Variants in ESRRG observed in about 807,000 individuals in gnomAD.
ESRRG encodes the protein estrogen related receptor gamma, also known as estrogen-related receptor gamma.
Under a neutral mutation model 44.0 loss-of-function variants are expected in ESRRG, and 13 were observed. The ratio of observed to expected loss-of-function variants is 0.30; its 90% CI spans 0.19 to 0.47. The LOEUF is 0.47. Ranked by LOEUF, ESRRG falls within the 20% of genes least tolerant of loss-of-function variation. The pLI is 1.00. For missense variants in ESRRG, 395 were observed against 580.6 expected (o/e 0.68, Z 3.29); for synonymous variants, 215 against 214.6 (o/e 1.00, Z -0.02).
intron 1 of ESRRG, among the ~76,000 whole-genome samples, chr1:216,990,469 G>A (rs2075516671): frequency 6.6e-6 from 1 of 152,020 alleles, no homozygotes; most frequent in Non-Finnish European, 1.5e-5. Context: ...GAGTTAAAGA[G>A]TTAATTTCAT....
At chr1:216,938,650 T>C (rs1419330692) in intron 2 of ESRRG, among the ~76,000 whole-genome samples, 1 of 152,146 alleles carries the variant, frequency 6.6e-6, no homozygotes, top group African/African-American at 2.4e-5. Flanking sequence ...CTCCAAAGGG[T>C]TCACTAGCAA....
At chr1:216,974,571 A>C (rs1381383312) in intron 1 of ESRRG, among the ~76,000 whole-genome samples, 1 of 152,186 alleles carries the variant, frequency 6.6e-6, no homozygotes, top group Non-Finnish European at 1.5e-5. Context: ...AAAAATAAAA[A>C]GGTTTATAAT....
At chr1:217,098,152 A>T (rs1428458360) in intron 1 of ESRRG, among the ~76,000 whole-genome samples, 4 of 152,154 alleles carry the variant, frequency 2.6e-5, no homozygotes, top group Non-Finnish European at 5.9e-5. Flanking sequence ...CTTGTCCAGA[A>T]CATGAAAGTT....
In ESRRG at chr1:217,022,415, G is replaced by C. The variant is rs1271658013; in HGVS notation, c.-106+67092C>G. Among the ~76,000 whole-genome samples the C allele has an allele frequency of 7.2e-5, 11 of 152,328 alleles. No individual in the cohort carries two copies. In the East Asian group the frequency reaches 2.1e-3, roughly 29 times the overall value. On this transcript the variant is annotated intron_variant, in intron 1 of 7. Transcript: ENST00000359162. ...CTTGATTATTAACAAATCACTTCCT[G>C]AAACTGTTATGACAGGATTCCCATA...
chr1:216,816,012 G>A (rs987874955), intron 2 of ESRRG, among the ~76,000 whole-genome samples: 1 of 152,172 alleles, frequency 6.6e-6, no homozygotes, highest in Non-Finnish European at 1.5e-5. Flanking sequence ...CATGCAAAGT[G>A]TAAAGGAACA....
chr1:216,511,360 T>C (rs1162554238), intron 6 of ESRRG, among the ~76,000 whole-genome samples: 2 of 151,850 alleles, frequency 1.3e-5, no homozygotes, highest in Non-Finnish European at 2.9e-5. Context: ...GGAACACTGG[T>C]TGATTGCCAT....
At chr1:216,675,768 C>A (rs943212925) in intron 2 of ESRRG, among the ~76,000 whole-genome samples, 2 of 152,212 alleles carry the variant, frequency 1.3e-5, no homozygotes, top group Non-Finnish European at 2.9e-5. Context: ...GCTGGTACTG[C>A]TGGTACAGCC....
chr1:216,747,028 G>C (rs1364974643), intron 2 of ESRRG, among the ~76,000 whole-genome samples: 2 of 152,026 alleles, frequency 1.3e-5, no homozygotes, highest in Admixed American at 1.3e-4. Context: ...CATAAAACAG[G>C]CTTCATAGAA....
At chr1:217,103,203 G>C (rs2092543025) in intron 1 of ESRRG, among the ~76,000 whole-genome samples, 1 of 152,134 alleles carries the variant, frequency 6.6e-6, no homozygotes, top group Non-Finnish European at 1.5e-5. Context: ...AGTTGATCGA[G>C]AGTAGAGGAA....
chr1:216,967,856 A>G (rs1185657103), intron 1 of ESRRG, among the ~76,000 whole-genome samples: 1 of 152,168 alleles, frequency 6.6e-6, no homozygotes, highest in Non-Finnish European at 1.5e-5. Flanking sequence ...TTGCATTCCT[A>G]TCAGTAATGA....
rs1553555387 is a variant in ESRRG, at chr1:216,735,987, AAT to A, written c.-13-58498_-13-58497del. 6.4e-4 allele frequency among the ~76,000 whole-genome samples: 88 copies of A among 137,116 alleles called. 1 individual carries two copies. Among genetic ancestry groups the A allele is most frequent in the Middle Eastern group, 4.1e-3 (1 of 246 alleles). The allele number at this position is 137,116 out of a possible 152,430, so 90.0% of individuals were successfully genotyped here. The stretch of plus-strand genomic sequence containing the variant: ...AGCAATACTCCCCATCTCAAAAAAA[AAT>A]ATATATATATATATATATACACACA... On this transcript the variant is annotated intron_variant, in intron 2 of 7. Coordinates refer to the ESRRG transcript ENST00000359162.
At chr1:216,663,526 T>C (rs1416948315) in intron 2 of ESRRG, among the ~76,000 whole-genome samples, 1 of 152,108 alleles carries the variant, frequency 6.6e-6, no homozygotes, top group Non-Finnish European at 1.5e-5. Context: ...AGAGATGCCC[T>C]TTTTTTAAGT....
At chr1:217,114,513 C>T (rs2092697318) in intron 1 of ESRRG, among the ~76,000 whole-genome samples, 1 of 152,046 alleles carries the variant, frequency 6.6e-6, no homozygotes, top group Non-Finnish European at 1.5e-5. Context: ...TGAGGTGCTT[C>T]TTCATTCCAA....
chr1:217,003,950 A>C (rs2077400085), intron 1 of ESRRG, among the ~76,000 whole-genome samples: 1 of 151,974 alleles, frequency 6.6e-6, no homozygotes, highest in South Asian at 2.1e-4. Flanking sequence ...AAATTTGGAA[A>C]TATGGTTTGA....
chr1:216,909,691 C>T (rs1225918319), intron 2 of ESRRG, among the ~76,000 whole-genome samples: 1 of 152,050 alleles, frequency 6.6e-6, no homozygotes, highest in Non-Finnish European at 1.5e-5. Context: ...GGCCTCCTTA[C>T]CTAATTTATC....
At chr1:216,803,500 C>T (rs1020332699) in intron 2 of ESRRG, among the ~76,000 whole-genome samples, 10 of 152,134 alleles carry the variant, frequency 6.6e-5, no homozygotes, top group African/African-American at 1.7e-4. Flanking sequence ...ACAATCACAA[C>T]GGAATATTAA....
At chr1:216,597,553 T>C (rs1230360242) in intron 3 of ESRRG, among the ~76,000 whole-genome samples, 1 of 152,206 alleles carries the variant, frequency 6.6e-6, no homozygotes, top group African/African-American at 2.4e-5. Context: ...AAATTTCAAA[T>C]GCTGCTACTC....
chr1:216,587,507 G>T (rs1400693832), intron 3 of ESRRG, among the ~76,000 whole-genome samples: 1 of 152,018 alleles, frequency 6.6e-6, no homozygotes, highest in Non-Finnish European at 1.5e-5. Context: ...CAAGAGTAAA[G>T]CTTTGTTCTT....
At chr1:216,740,706 C>T (rs1031872667) in intron 2 of ESRRG, among the ~76,000 whole-genome samples, 2 of 151,420 alleles carry the variant, frequency 1.3e-5, no homozygotes, top group African/African-American at 4.9e-5. Context: ...AGAAATAATG[C>T]TTTCTACACA....
Sources: allele counts gnomAD v4.1 joint callset (sites outside exome capture counted in the v4.1 genomes callset), GRCh38; gene constraint gnomAD v4.1.1; transcripts MANE v1.5; gene names NCBI Gene and HGNC (gene_info 2026-07-23, HGNC 2026-07-21).